Variants in SPG7 observed in about 807,000 individuals in gnomAD.
The protein encoded by SPG7 is mitochondrial inner membrane m-AAA protease component paraplegin.
SPG7 carries 103 observed loss-of-function variants against 81.9 expected under a neutral mutation model. The ratio of observed to expected loss-of-function variants is 1.26; its 90% CI spans 1.07 to 1.48. SPG7 has a LOEUF of 1.48. Among genes scored for constraint, SPG7 ranks in the 40% most tolerant of loss-of-function variants. The pLI is 0.00. For missense variants in SPG7, 1,241 were observed against 1,087.3 expected, an observed-to-expected ratio of 1.14 and a Z score of -1.99; for synonymous variants, 534 against 444.2, an observed-to-expected ratio of 1.20 and a Z score of -2.54.
chr16:89,510,647 C>A, intron 2 of SPG7, 55 bp downstream of exon 2: 3 of 1,063,164 alleles, frequency 2.8e-6, no homozygotes, highest in Non-Finnish European at 4.4e-6. Flanking sequence ...ACCGCCTCAG[C>A]TACTTGGGAG....
At position 89,553,792 on chromosome 16, in the gene SPG7, AG is replaced by A. The variant is rs1567934181; in HGVS notation, c.1939del. 5.6e-6 allele frequency: 9 copies of A among 1,613,330 alleles called. No individual in the cohort carries two copies. The highest frequency in any genetic ancestry group is 6.8e-6 in the Non-Finnish European group (8 of 1,179,970). On this transcript the variant is annotated splice_acceptor_variant, in intron 14 of 16. Transcript: ENST00000645818. LOFTEE classifies it high-confidence loss of function. ...TGCCTCTGTCTCGACCCCGCCCTCC[AG>A]GGGCACAGGACGACCTGAGGAAGGT...
chr16:89,550,637 G>T, intron 13 of SPG7, 28 bp downstream of exon 13: 1 of 1,533,458 alleles, frequency 6.5e-7, no homozygotes, highest in Non-Finnish European at 9.0e-7. Flanking sequence ...CCGGCTCCAC[G>T]GGCCTTGGCC....
intron 4 of SPG7, among the ~76,000 whole-genome samples, chr16:89,525,758 C>T (rs372571513): frequency 2.0e-5 from 3 of 152,044 alleles, no homozygotes; most frequent in Admixed American, 2.0e-4. Context: ...AAACATGAAC[C>T]CTCTGTGGCC....
intron 9 of SPG7, among the ~76,000 whole-genome samples, chr16:89,542,747 G>T (rs558206388): frequency 3.9e-5 from 6 of 152,146 alleles, no homozygotes; most frequent in African/African-American, 1.4e-4. Flanking sequence ...AAGAACATGG[G>T]GTTGCTGGAG....
At chr16:89,526,177 A>C (rs1190717620) in intron 4 of SPG7, 152 bp from the exon 5 acceptor site, 3 of 887,962 alleles carry the variant, frequency 3.4e-6, no homozygotes, top group Non-Finnish European at 5.6e-6. Flanking sequence ...GAACCGTCGT[A>C]CGTTAGGAAT....
chr16:89,526,408 T>C lies in SPG7; in HGVS notation c.698T>C (p.Leu233Pro). 1.2e-6 allele frequency: 2 copies of C among 1,614,186 alleles called. No individual in the cohort carries two copies. The highest frequency in any genetic ancestry group is 2.2e-5 in the East Asian group (1 of 44,890). The change falls in exon 5 of 17, where the codon CTG (leucine) becomes CCG (proline). Residue 233 changes from leucine to proline, a missense_variant. Leu to Pro is a moderately conservative substitution (Grantham distance 98). Transcript: ENST00000645818. ...AAGCTTCGAGCAGCTGAAGATGAGC[T>C]GAATATCGAGGCCAAGGACAGGATC... ...EEKLRAAEDELNIEAKDRIPV... is the reference protein window; with the variant it reads ...EEKLRAAEDEPNIEAKDRIPV...
intron 15 of SPG7, 132 bp downstream of exon 15, chr16:89,554,092 C>T: frequency 1.2e-6 from 1 of 839,212 alleles, no homozygotes; most frequent in South Asian, 1.6e-5. Context: ...TTTCTTCCTT[C>T]TGGGCTCTGC....
At chr16:89,546,162 C>T (rs1002810407) in intron 10 of SPG7, 3 of 299,878 alleles carry the variant, frequency 1.0e-5, no homozygotes, top group African/African-American at 6.6e-5. Context: ...TCTCGGCTCA[C>T]TGCAACCACC....
intron 3 of SPG7, chr16:89,523,467 A>G (rs1287908868): frequency 5.9e-6 from 2 of 341,314 alleles, no homozygotes; most frequent in South Asian, 2.2e-5. Context: ...ACTTTTGTGT[A>G]TGTTTTGATA....
intron 1 of SPG7, 132 bp downstream of exon 1, chr16:89,508,732 C>A (rs749619681): frequency 5.0e-6 from 5 of 997,122 alleles, no homozygotes; most frequent in Non-Finnish European, 7.6e-6. Context: ...CGCGGATCCC[C>A]CAGCTGTGGA....
chr16:89,546,375 CGTGTTTAAAAT>C (rs1360059631), intron 10 of SPG7: 1 of 400,336 alleles, frequency 2.5e-6, no homozygotes, highest in African/African-American at 2.1e-5. Context: ...GTGTTCTGTT[CGTGTTTAAAAT>C]GCTGCTTGTG....
chr16:89,556,011 C>T (rs1159454649), intron 16 of SPG7: 2 of 398,748 alleles, frequency 5.0e-6, no homozygotes, highest in Non-Finnish European at 8.8e-6. Flanking sequence ...GACCCATGCT[C>T]ATCACGGTTG....
At position 89,547,999 on chromosome 16, in the gene SPG7, A is replaced by G. The variant is rs113450752; in HGVS notation, c.1553-4A>G. The G allele has an allele frequency of 5.6e-6, 9 of 1,611,802 alleles. No homozygotes were observed. In the African/African-American group the frequency reaches 6.7e-5, roughly 12 times the overall value. On this transcript the variant is annotated splice_polypyrimidine_tract_variant and splice_region_variant and intron_variant, in intron 11 of 16. Transcript: ENST00000645818. ...ACCCACACCGTGGCTGTTTGTGTTG[A>G]CAGGGGCTGACATCGCCAACATCTG... is the stretch of plus-strand genomic sequence containing the variant.
intron 9 of SPG7, 183 bp downstream of exon 9, chr16:89,532,819 C>T: frequency 2.8e-6 from 2 of 723,330 alleles, no homozygotes; most frequent in South Asian, 3.3e-5. Flanking sequence ...CGCAGTGGCT[C>T]ACGCCTGTAA....
intron 9 of SPG7, chr16:89,533,250 C>G (rs1249493836): frequency 6.5e-6 from 1 of 153,774 alleles, no homozygotes; most frequent in Non-Finnish European, 1.4e-5. Context: ...TCACTGCAGG[C>G]TCTGTCTCCC....
chr16:89,518,427 G>A (rs1161026937), intron 3 of SPG7: 1 of 152,150 alleles, frequency 6.6e-6, no homozygotes, highest in African/African-American at 2.4e-5. Context: ...GGAATTATAC[G>A]GAGTGAAAAA....
In SPG7 at chr16:89,532,074, C is replaced by G; in HGVS notation, c.1150+8C>G. ...TCGTGGAGGTCATTGGAGGTAGGTG[C>G]TGTGGTTGGGGGCTGTGGGTGGGCT... is the stretch of plus-strand genomic sequence containing the variant. On this transcript the variant is annotated splice_region_variant and intron_variant, in intron 8 of 16. Transcript: ENST00000645818. 1 of 1,611,260 alleles carries G rather than the reference C, an allele frequency of 6.2e-7. No individual in the cohort carries two copies. The highest frequency in any genetic ancestry group is 2.0e-4 in the Middle Eastern group (1 of 4,904).
chr16:89,520,499 C>T (rs760959163), intron 3 of SPG7: 1 of 157,166 alleles, frequency 6.4e-6, no homozygotes, highest in Non-Finnish European at 1.4e-5. Context: ...CATGTTTAAG[C>T]GATTCTCCTG....
At chr16:89,512,819 T>C (rs1270341890) in intron 2 of SPG7, 129 bp from the exon 3 acceptor site, 9 of 863,296 alleles carry the variant, frequency 1.0e-5, no homozygotes, top group Non-Finnish European at 1.3e-5. Flanking sequence ...TTATAAATCT[T>C]ATGGATATAA....
Sources: gnomAD v4.1 joint callset for allele counts (sites outside exome capture counted in the v4.1 genomes callset) on GRCh38, gnomAD v4.1.1 for gene constraint, MANE v1.5 for transcripts, NCBI Gene and HGNC (gene_info 2026-07-23, HGNC 2026-07-21) for gene names.